RASGRF2: variants seen among roughly 807,000 people sequenced by gnomAD.
RASGRF2 encodes Ras protein specific guanine nucleotide releasing factor 2.
Under a neutral mutation model 151.0 loss-of-function variants are expected in RASGRF2, and 76 were observed. The observed-to-expected ratio is 0.50, with a 90% confidence interval of 0.42 to 0.61. The LOEUF is 0.61. Among genes scored for constraint, RASGRF2 ranks in the 20% least tolerant of loss-of-function variants. The probability of loss-of-function intolerance (pLI) is 0.00; values close to 1 mark genes in which losing one functional copy is unlikely to be tolerated. For synonymous variants in RASGRF2, 504 were observed against 566.5 expected, an observed-to-expected ratio of 0.89 and a Z score of 1.57; for missense variants, 1,148 against 1,564.6, an observed-to-expected ratio of 0.73 and a Z score of 4.49.
At chr5:81,090,498 A>C (rs1189761779) in intron 9 of RASGRF2, among the ~76,000 whole-genome samples, 1 of 152,222 alleles carries the variant, frequency 6.6e-6, no homozygotes, top group Non-Finnish European at 1.5e-5. Flanking sequence ...CAAATGCAAG[A>C]GAAAATGTGA....
intron 17 of RASGRF2, among the ~76,000 whole-genome samples, chr5:81,169,890 C>A (rs1754607528): frequency 7.0e-6 from 1 of 142,486 alleles, no homozygotes; most frequent in African/African-American, 2.6e-5. Context: ...TCACCTGCAC[C>A]ACCTGTATCA....
chr5:81,066,343 T>C (rs889291310), intron 2 of RASGRF2, among the ~76,000 whole-genome samples: 1 of 152,154 alleles, frequency 6.6e-6, no homozygotes, highest in Non-Finnish European at 1.5e-5. Flanking sequence ...ACACGCACGA[T>C]ACAGGTGCTG....
chr5:81,016,395 G>A (rs1376181664), intron 1 of RASGRF2, among the ~76,000 whole-genome samples: 1 of 152,150 alleles, frequency 6.6e-6, no homozygotes, highest in African/African-American at 2.4e-5. Flanking sequence ...TTTATGATAG[G>A]CTCTCAGAGA....
intron 22 of RASGRF2, 45 bp downstream of exon 22, chr5:81,208,483 T>C: frequency 6.7e-7 from 1 of 1,488,282 alleles, no homozygotes; most frequent in Non-Finnish European, 9.3e-7. Flanking sequence ...CACAAGAAGA[T>C]GGATATTGGG....
intron 1 of RASGRF2, among the ~76,000 whole-genome samples, chr5:80,988,509 A>G (rs1427216431): frequency 6.6e-6 from 1 of 152,136 alleles, no homozygotes; most frequent in Non-Finnish European, 1.5e-5. Flanking sequence ...TAAAGTCTTA[A>G]TTGATGTATA....
At chr5:81,133,075 T>C (rs1353834494) in intron 17 of RASGRF2, among the ~76,000 whole-genome samples, 1 of 152,186 alleles carries the variant, frequency 6.6e-6, no homozygotes, top group African/African-American at 2.4e-5. Context: ...CAATGAGTCA[T>C]TAGCCATCTT....
chr5:81,000,349 C>A (rs1280566047), intron 1 of RASGRF2, among the ~76,000 whole-genome samples: 1 of 152,218 alleles, frequency 6.6e-6, no homozygotes, highest in Non-Finnish European at 1.5e-5. Context: ...TCAAGCGATT[C>A]TTCTGCCTCA....
Position 81,086,960 on chromosome 5 carries a change from C to T in RASGRF2, c.1390+7C>T, listed in dbSNP as rs7734719. ...CAAACGTTCATCCGCCAAGGTAAGT[C>T]CCTGTGAAATGGACCCGCGACCTGA... is the stretch of plus-strand genomic sequence containing the variant. On this transcript the variant is annotated splice_region_variant and intron_variant, in intron 9 of 26. Transcript: ENST00000265080. The T allele has an allele frequency of 2.6e-5, 42 of 1,608,936 alleles. No homozygotes were observed. In the African/African-American group the frequency reaches 4.3e-4, roughly 16 times the overall value.
At chr5:81,115,061 T>A (rs1753114581) in intron 15 of RASGRF2, among the ~76,000 whole-genome samples, 2 of 152,178 alleles carry the variant, frequency 1.3e-5, no homozygotes, top group African/African-American at 4.8e-5. Flanking sequence ...GTATAAGAAC[T>A]GACTTATTGA....
At chr5:81,126,728 T>A (rs1177583462) in intron 16 of RASGRF2, among the ~76,000 whole-genome samples, 1 of 152,274 alleles carries the variant, frequency 6.6e-6, no homozygotes, top group Non-Finnish European at 1.5e-5. Context: ...TGTTCTAGCA[T>A]GCTTTGGAAC....
intron 7 of RASGRF2, among the ~76,000 whole-genome samples, chr5:81,083,334 A>G (rs946352351): frequency 6.6e-6 from 1 of 151,356 alleles, no homozygotes; most frequent in Non-Finnish European, 1.5e-5. Context: ...TACTGCCAAG[A>G]GACCTCTGTC....
Position 80,994,113 on chromosome 5 carries a change from A to C in RASGRF2, c.288+33087A>C, listed in dbSNP as rs557653835. On this transcript the variant is annotated intron_variant, in intron 1 of 26. Coordinates refer to ENST00000265080, the MANE Select transcript of RASGRF2 (RefSeq NM_006909.3). ...GCCCCCTGCGAAGTACACTTTAAGA[A>C]GGGGTAGTCTGGGAGGCCAGGGCGG... is the stretch of plus-strand genomic sequence containing the variant. Among the ~76,000 whole-genome samples the C allele has an allele frequency of 2.3e-4, 35 of 152,106 alleles. No homozygotes were observed. The East Asian group carries it at 5.4e-3, about 24-fold the overall frequency.
intron 2 of RASGRF2, among the ~76,000 whole-genome samples, chr5:81,056,487 G>A (rs933994543): frequency 2.0e-5 from 3 of 152,230 alleles, no homozygotes; most frequent in Admixed American, 6.5e-5. Flanking sequence ...ACTGTGGTCT[G>A]AGAGACAGTT....
chr5:81,185,313 G>A (rs968737814), intron 18 of RASGRF2, among the ~76,000 whole-genome samples: 5 of 152,210 alleles, frequency 3.3e-5, no homozygotes, highest in African/African-American at 4.8e-5. Flanking sequence ...GCTGGGCAAA[G>A]TGAAGAGTGG....
intron 17 of RASGRF2, among the ~76,000 whole-genome samples, chr5:81,156,002 A>T (rs1246106344): frequency 6.6e-6 from 1 of 152,204 alleles, no homozygotes; most frequent in East Asian, 1.9e-4. Flanking sequence ...GAGAGCATGC[A>T]GCTATGTCCA....
intron 1 of RASGRF2, among the ~76,000 whole-genome samples, chr5:81,003,379 C>G (rs537162874): frequency 9.2e-5 from 14 of 152,112 alleles, no homozygotes; most frequent in Admixed American, 1.3e-4. Flanking sequence ...CCCACCACCA[C>G]GCCCACCTAA....
Position 81,042,992 on chromosome 5 carries a change from TCA to T in RASGRF2, c.395+10_395+11del, listed in dbSNP as rs1474264898. ...GCCATTCACCAAGCCAGGTATAGGC[TCA>T]GTCTTCCTGTGTAGTACTTGATTGT... On this transcript the variant is annotated intron_variant, in intron 2 of 26. Coordinates refer to ENST00000265080, the MANE Select transcript of RASGRF2 (RefSeq NM_006909.3). 2 of 1,591,146 alleles carry T rather than the reference TCA, an allele frequency of 1.3e-6. No individual in the cohort carries two copies. The highest frequency in any genetic ancestry group is 1.7e-6 in the Non-Finnish European group (2 of 1,162,944).
chr5:81,092,319 T>C (rs1358205880), intron 9 of RASGRF2, among the ~76,000 whole-genome samples: 2 of 56,752 alleles, frequency 3.5e-5, no homozygotes, highest in Non-Finnish European at 9.8e-5. Flanking sequence ...TATACATGTA[T>C]TGTACATTCT....
chr5:81,220,922 ACTTTC>A (rs1037415613), intron 26 of RASGRF2, among the ~76,000 whole-genome samples: 1 of 151,984 alleles, frequency 6.6e-6, no homozygotes, highest in African/African-American at 2.4e-5. Flanking sequence ...GGTTTCTTAG[ACTTTC>A]CTTAATTTGG....
Sources: gnomAD v4.1 joint callset for allele counts (sites outside exome capture counted in the v4.1 genomes callset) on GRCh38, gnomAD v4.1.1 for gene constraint, MANE v1.5 for transcripts, NCBI Gene and HGNC (gene_info 2026-07-23, HGNC 2026-07-21) for gene names.